Variants in MBL2 observed in about 807,000 individuals in gnomAD.
MBL2 encodes mannose binding lectin 2.
MBL2 carries 6 observed loss-of-function variants against 12.7 expected under a neutral mutation model. The ratio of observed to expected loss-of-function variants is 0.47; its 90% CI spans 0.26 to 0.94. The LOEUF (loss-of-function observed/expected upper bound fraction) is 0.94, where lower values mean the gene tolerates loss of function less well. Among genes scored for constraint, MBL2 ranks in the 40% least tolerant of loss-of-function variants. MBL2 has a pLI of 0.15. For missense variants in MBL2, 307 were observed against 295.2 expected (o/e 1.04, Z -0.29); for synonymous variants, 114 against 112.0 (o/e 1.02, Z -0.11).
intron 4 of MBL2, among the ~76,000 whole-genome samples, 168 bp downstream of exon 4, chr10:52,769,079 A>T (rs955805340): frequency 1.8e-4 from 27 of 152,038 alleles, no homozygotes; most frequent in African/African-American, 6.5e-4. Flanking sequence ...CAAGTAATTT[A>T]ACTTCCCTTT....
chr10:52,768,586 T>A, intron 4 of MBL2, 76 bp from the exon 5 acceptor site: 1 of 1,102,230 alleles, frequency 9.1e-7, no homozygotes, highest in Non-Finnish European at 1.3e-6. Context: ...AAAAGTCTTC[T>A]AGAGTACAGT....
chr10:52,768,544 T>A, intron 4 of MBL2, 34 bp from the exon 5 acceptor site: 1 of 1,462,830 alleles, frequency 6.8e-7, no homozygotes, highest in East Asian at 2.3e-5. Context: ...AACTGACTCA[T>A]CCTTAAGCCC....
Position 52,765,484 on chromosome 10 carries a change from C to T in MBL2, c.*2653G>A, listed in dbSNP as rs1840293146. ...CATTATCTCATTAAAAAGCATGTAT[C>T]TAGCGGCATAACTGTGTGTATTAAG... On this transcript the variant is annotated 3_prime_UTR_variant, in exon 5 of 5. Transcript: ENST00000674931. The T allele has an allele frequency of 6.6e-6, 1 of 152,136 alleles. No individual in the cohort carries two copies. Among genetic ancestry groups the T allele is most frequent in the South Asian group, 2.1e-4 (1 of 4,828 alleles). The allele number at this position is 152,136 out of a possible 1,614,324, so 9.4% of individuals were successfully genotyped here. A position where few individuals can be genotyped will look rare whatever the true frequency, so the allele number is the denominator to read the frequency against.
At position 52,767,258 on chromosome 10, in the gene MBL2, T is replaced by C. The variant is rs745948590; in HGVS notation, c.*879A>G. On this transcript the variant is annotated 3_prime_UTR_variant, in exon 5 of 5. Transcript: ENST00000674931. ...AAGCCACTTAAGTGCCTATTAACAA[T>C]AGAATGGATGAACTGAGGAATATTA... is the stretch of plus-strand genomic sequence containing the variant. 10 of 151,840 alleles carry C rather than the reference T, an allele frequency of 6.6e-5. No individual in the cohort carries two copies. Among genetic ancestry groups the C allele is most frequent in the African/African-American group, 9.7e-5 (4 of 41,212 alleles). The allele number at this position is 151,840 out of a possible 1,614,324, so 9.4% of individuals were successfully genotyped here. A position where few individuals can be genotyped will look rare whatever the true frequency, so the allele number is the denominator to read the frequency against.
At chr10:52,771,791 A>C (rs1453433296) in intron 1 of MBL2, 147 bp from the exon 2 acceptor site, 1 of 1,183,598 alleles carries the variant, frequency 8.4e-7, no homozygotes, top group Non-Finnish European at 1.2e-6. Context: ...GGAAAAGTAA[A>C]CATTCCTTGT....
chr10:52,771,562 C>G lies in MBL2; in HGVS notation c.74G>C (p.Cys25Ser), dbSNP rs72661128. 1.2e-6 allele frequency: 2 copies of G among 1,613,974 alleles called. No individual in the cohort carries two copies. The highest frequency in any genetic ancestry group is 1.7e-6 in the Non-Finnish European group (2 of 1,179,908). The stretch of plus-strand genomic sequence containing the variant: ...AGGGCAGGTCTTTTGGGCATCCTCA[C>G]AGGTCACAGTTTCTGAGTAAGACGC... ...VAASYSETVTCEDAQKTCPAV... is the reference protein window; with the variant it reads ...VAASYSETVTSEDAQKTCPAV... Residue 25 changes from cysteine to serine, a missense_variant, in exon 2 of 5, where the codon TGT becomes TCT. Transcript: ENST00000674931.
rs1192617709 is a variant in MBL2, at chr10:52,766,910, T to C, written c.*1227A>G. The C allele has an allele frequency of 2.0e-5, 3 of 152,040 alleles. No homozygotes were observed. Among genetic ancestry groups the C allele is most frequent in the Non-Finnish European group, 4.4e-5 (3 of 68,034 alleles). 9.4% of individuals were successfully genotyped at this position (152,040 alleles called of 1,614,324 possible). ...TAAGCATATAAAAAAGTGTTCAACC[T>C]TATTACATGTTGGGGAAATACAGAT... On this transcript the variant is annotated 3_prime_UTR_variant, in exon 5 of 5. Coordinates refer to ENST00000674931, the MANE Select transcript of MBL2 (RefSeq NM_001378373.1).
Position 52,766,657 on chromosome 10 carries a change from A to C in MBL2, c.*1480T>G, listed in dbSNP as rs893710077. 4 of 152,200 alleles carry C rather than the reference A, an allele frequency of 2.6e-5. No individual in the cohort carries two copies. The highest frequency in any genetic ancestry group is 9.6e-5 in the African/African-American group (4 of 41,470). The allele number at this position is 152,200 out of a possible 1,614,324, so 9.4% of individuals were successfully genotyped here. A position where few individuals can be genotyped will look rare whatever the true frequency, so the allele number is the denominator to read the frequency against. ...ACAAAAAGCACTAATTTTGAAAGAA[A>C]ATATGAATAAATAAGACTTTCTCAA... On this transcript the variant is annotated 3_prime_UTR_variant, in exon 5 of 5. Transcript: ENST00000674931.
In MBL2 at chr10:52,770,584, G is replaced by T. The variant is rs974362012; in HGVS notation, c.304+86C>A. ...CAAATTTGGGTATCTTCCTTTGAAG[G>T]AACAGGAGAAGGGGCACCTCTTACC... On this transcript the variant is annotated intron_variant, in intron 3 of 4. Transcript: ENST00000674931. 3.3e-5 allele frequency: 26 copies of T among 796,596 alleles called. No homozygotes were observed. In the African/African-American group the frequency reaches 4.3e-4, roughly 13 times the overall value. The allele number at this position is 796,596 out of a possible 1,614,324, so 49.3% of individuals were successfully genotyped here. A position where few individuals can be genotyped will look rare whatever the true frequency, so the allele number is the denominator to read the frequency against.
chr10:52,768,200 A>AT lies in MBL2; in HGVS notation c.683dup (p.Asn228LysfsTer6). ...AGCAGGGGACGTCATTCCACTGGCC[A>AT]TTTTTCAGTAGCAATACACAATCTT... On this transcript the variant is annotated frameshift_variant, in exon 5 of 5. Transcript: ENST00000674931. LOFTEE classifies it low-confidence loss of function (END_TRUNC). 1 of 1,613,600 alleles carries AT rather than the reference A, an allele frequency of 6.2e-7. No individual in the cohort carries two copies. Among genetic ancestry groups the AT allele is most frequent in the Admixed American group, 1.7e-5 (1 of 59,952 alleles).
chr10:52,772,041 G>A (rs922130752), intron 1 of MBL2, among the ~76,000 whole-genome samples: 2 of 148,838 alleles, frequency 1.3e-5, no homozygotes, highest in African/African-American at 2.5e-5. Flanking sequence ...TTCTCTCCAT[G>A]TCCTCTTCGG....
rs1254058022 is a variant in MBL2, at chr10:52,768,438, T to G, written c.446A>C (p.Glu149Ala). 1 of 1,610,740 alleles carries G rather than the reference T, an allele frequency of 6.2e-7. No homozygotes were observed. Among genetic ancestry groups the G allele is most frequent in the Non-Finnish European group, 8.5e-7 (1 of 1,179,152 alleles). Residue 149 changes from glutamate to alanine, a missense_variant, in exon 5 of 5, where the codon GAA (glutamate) becomes GCA (alanine). Transcript: ENST00000674931. ...CTTGACACACAAGGCCTTCACTTTT[T>G]CAAAGGTCATTATTTCACCATTGGT... ...FLTNGEIMTFEKVKALCVKFQ... is the reference protein window; with the variant it reads ...FLTNGEIMTFAKVKALCVKFQ...
chr10:52,768,348 T>C lies in MBL2; in HGVS notation c.536A>G (p.Lys179Arg). Residue 179 changes from lysine to arginine, a missense_variant, in exon 5 of 5, where the codon AAG (lysine) becomes AGG (arginine). Lys to Arg is a conservative substitution (Grantham distance 26). Transcript: ENST00000674931. ...AENGAIQNLI[K>R]EEAFLGITDE... ...AGTGATGCCCAGGAAGGCTTCCTCC[T>C]TGATGAGATTCTGAATGGCTCCATT... is the stretch of plus-strand genomic sequence containing the variant. 6.2e-7 allele frequency: 1 copy of C among 1,613,882 alleles called. No homozygotes were observed. The highest frequency in any genetic ancestry group is 8.5e-7 in the Non-Finnish European group (1 of 1,179,978).
rs1378981049 is a variant in MBL2 at position 52,767,359 on chromosome 10, A to T, written c.*778T>A. ...TGACATGAATGAATCTCACAGACTTAATTCTGAGTAAACAAGACATACAAC... is the reference window on the plus strand; with the variant it reads ...TGACATGAATGAATCTCACAGACTTTATTCTGAGTAAACAAGACATACAAC... On this transcript the variant is annotated 3_prime_UTR_variant, in exon 5 of 5. Transcript: ENST00000674931. The T allele has an allele frequency of 6.6e-6, 1 of 152,094 alleles. No individual in the cohort carries two copies. 9.4% of individuals were successfully genotyped at this position (152,094 alleles called of 1,614,324 possible).
chr10:52,770,766 G>A lies in MBL2; in HGVS notation c.208C>T (p.Gln70Ter), dbSNP rs1210046973. ...GEPGQGLRGL[Q>*]GPPGKLGPPG... ...GGCCCCAACTTTCCAGGGGGGCCCT[G>A]TAAGCCTCTGAGCCCTTGGCCTGTT... Residue 70 changes from glutamine to a stop codon, truncating the protein, a stop_gained, in exon 3 of 5, where the codon CAG (glutamine) becomes TAG (stop). Coordinates refer to ENST00000674931, the MANE Select transcript of MBL2 (RefSeq NM_001378373.1). LOFTEE classifies it high-confidence loss of function. 2.0e-6 allele frequency: 3 copies of A among 1,500,976 alleles called. No individual in the cohort carries two copies. Among genetic ancestry groups the A allele is most frequent in the Non-Finnish European group, 8.9e-7 (1 of 1,118,996 alleles). The allele number at this position is 1,500,976 out of a possible 1,614,324, so 93.0% of individuals were successfully genotyped here.
intron 1 of MBL2, among the ~76,000 whole-genome samples, chr10:52,772,127 C>T (rs760135335): frequency 1.3e-5 from 2 of 152,166 alleles, no homozygotes; most frequent in Non-Finnish European, 2.9e-5. Context: ...CTATCATTTA[C>T]TCATTGGCAG....
Position 52,770,690 on chromosome 10 carries a change from C to G in MBL2, c.284G>C (p.Gly95Ala), listed in dbSNP as rs368461120. 1.3e-6 allele frequency: 2 copies of G among 1,495,458 alleles called. No homozygotes were observed. The highest frequency in any genetic ancestry group is 1.8e-6 in the Non-Finnish European group (2 of 1,115,028). 92.6% of individuals were successfully genotyped at this position (1,495,458 alleles called of 1,614,324 possible). The part of the protein sequence containing the change: ...SGSPGPKGQK[G>A]DPGKSPDGDS... ...CTTACCCGGACTTTTTCCAGGGTCT[C>G]CTTTTTGGCCCTTTGGTCCTGGTGA... Residue 95 changes from glycine to alanine, a missense_variant, in exon 3 of 5, where the codon GGA (glycine) becomes GCA (alanine). Physicochemically the swap from Gly to Ala is moderately conservative, Grantham distance 60. Coordinates refer to ENST00000674931, the MANE Select transcript of MBL2 (RefSeq NM_001378373.1).
At position 52,771,455 on chromosome 10, in the gene MBL2, C is replaced by T. The variant is rs774585786; in HGVS notation, c.181G>A (p.Glu61Lys). 2.1e-5 allele frequency: 34 copies of T among 1,613,576 alleles called. No individual in the cohort carries two copies. The Admixed American group carries it at 3.3e-4, about 16-fold the overall frequency. ...GRDGTKGEKGEPGQGLRGLQG... is the reference protein window; with the variant it reads ...GRDGTKGEKGKPGQGLRGLQG... ...AGAACAGCCCAACACGTACCTGGTT[C>T]CCCCTTTTCTCCCTTGGTGCCATCA... The change falls in exon 2 of 5, where the codon GAA becomes AAA. Residue 61 changes from glutamate (E) to lysine (K), a missense_variant. Coordinates refer to ENST00000674931, the MANE Select transcript of MBL2 (RefSeq NM_001378373.1).
In MBL2 at chr10:52,771,511, C is replaced by G; in HGVS notation, c.125G>C (p.Gly42Ala). The change falls in exon 2 of 5, where the codon GGC becomes GCC. Residue 42 changes from glycine to alanine, a missense_variant. Transcript: ENST00000674931. Reference protein sequence around the residue: ...CPAVIACSSPGINGFPGKDGR... With the variant: ...CPAVIACSSPAINGFPGKDGR... The stretch of plus-strand genomic sequence containing the variant: ...ATCTTTGCCTGGGAAGCCGTTGATG[C>G]CTGGAGAGCTACAGGCAATCACTGC... 1 of 1,613,898 alleles carries G rather than the reference C, an allele frequency of 6.2e-7. No homozygotes were observed. Among genetic ancestry groups the G allele is most frequent in the South Asian group, 1.1e-5 (1 of 91,074 alleles).
Sources: gnomAD v4.1 joint callset for allele counts (sites outside exome capture counted in the v4.1 genomes callset) on GRCh38, gnomAD v4.1.1 for gene constraint, MANE v1.5 for transcripts, NCBI Gene and HGNC (gene_info 2026-07-23, HGNC 2026-07-21) for gene names.